Variants in RASSF3 observed in about 807,000 individuals in gnomAD.
RASSF3 encodes the protein Ras association domain family member 3, also known as ras association domain-containing protein 3.
Under a neutral mutation model 19.9 loss-of-function variants are expected in RASSF3, and 19 were observed. The observed-to-expected ratio is 0.96, with a 90% CI of 0.67 to 1.40. The LOEUF (loss-of-function observed/expected upper bound fraction) is 1.40, where lower values mean the gene tolerates loss of function less well. Among genes scored for constraint, RASSF3 ranks in the 40% most tolerant of loss-of-function variants. The probability of loss-of-function intolerance (pLI) is 0.00; values close to 1 mark genes in which losing one functional copy is unlikely to be tolerated. For synonymous variants in RASSF3, 110 were observed against 104.2 expected (o/e 1.06, Z -0.34); for missense variants, 306 against 289.8 (o/e 1.06, Z -0.41).
chr12:64,681,648 C>T (rs1873131485), intron 1 of RASSF3, among the ~76,000 whole-genome samples: 1 of 152,208 alleles, frequency 6.6e-6, no homozygotes, highest in Non-Finnish European at 1.5e-5. Flanking sequence ...TTTTCTTCTT[C>T]AGCTATGACT....
intron 1 of RASSF3, among the ~76,000 whole-genome samples, chr12:64,512,148 C>A (rs1031239177): frequency 3.3e-5 from 5 of 152,136 alleles, no homozygotes; most frequent in African/African-American, 1.2e-4. Flanking sequence ...GAGAGAGAAC[C>A]ATCATGGAAG....
chr12:64,689,788 A>ATTATTTTTTTTT (rs1285995154), intron 3 of RASSF3, among the ~76,000 whole-genome samples: 1 of 42,932 alleles, frequency 2.3e-5, no homozygotes, highest in African/African-American at 7.7e-5. Context: ...TAATTCGCTA[A>ATTATTTTTTTTT]TTCTTTTTTT....
intron 1 of RASSF3, among the ~76,000 whole-genome samples, chr12:64,655,603 A>G (rs1265940055): frequency 1.3e-5 from 2 of 152,114 alleles, no homozygotes; most frequent in African/African-American, 4.8e-5. Context: ...GTGAACCACC[A>G]TGCCTGGTCT....
chr12:64,537,588 C>T (rs565643222), intron 1 of RASSF3, among the ~76,000 whole-genome samples: 23 of 152,182 alleles, frequency 1.5e-4, no homozygotes, highest in Non-Finnish European at 2.2e-4. Context: ...AAGACTCACA[C>T]GTCCAACTTC....
At chr12:64,572,000 C>T (rs1242802237) in intron 2 of RASSF3, among the ~76,000 whole-genome samples, 4 of 152,172 alleles carry the variant, frequency 2.6e-5, no homozygotes, top group East Asian at 1.9e-4. Context: ...TAGGTTATGA[C>T]GTTCATAAGC....
chr12:64,586,386 A>T (rs1156697819), intron 2 of RASSF3, among the ~76,000 whole-genome samples: 1 of 146,432 alleles, frequency 6.8e-6, no homozygotes, highest in African/African-American at 2.5e-5. Context: ...CCTACTCAGG[A>T]GGTTGACACA....
intron 1 of RASSF3, among the ~76,000 whole-genome samples, chr12:64,663,840 CTTT>C (rs34450092): frequency 2.7e-5 from 2 of 73,070 alleles, no homozygotes; most frequent in Admixed American, 1.6e-4. Flanking sequence ...TTAGCCTTGC[CTTT>C]TTTTTTTTTT....
chr12:64,667,898 T>C (rs1872577435), intron 1 of RASSF3, among the ~76,000 whole-genome samples: 1 of 152,184 alleles, frequency 6.6e-6, no homozygotes, highest in South Asian at 2.1e-4. Flanking sequence ...GAGCCTGTTT[T>C]CCTTCTGAAT....
At chr12:64,587,027 A>C (rs937602726) in intron 2 of RASSF3, among the ~76,000 whole-genome samples, 1 of 150,566 alleles carries the variant, frequency 6.6e-6, no homozygotes, top group Non-Finnish European at 1.5e-5. Context: ...TCTATTTTCC[A>C]TATTCCTCGT....
intron 1 of RASSF3, among the ~76,000 whole-genome samples, chr12:64,613,529 G>A (rs1336777953): frequency 1.3e-5 from 2 of 152,108 alleles, no homozygotes; most frequent in African/African-American, 4.8e-5. Context: ...AGGGAACATA[G>A]TGCAACTTCT....
At chr12:64,595,064 C>CTTTTTTTTTTTTTTTTTTTTT (rs1171762487) in intron 2 of RASSF3, among the ~76,000 whole-genome samples, 2 of 90,950 alleles carry the variant, frequency 2.2e-5, no homozygotes, top group African/African-American at 4.3e-5. Context: ...CATATGAAAT[C>CTTTTTTTTTTTTTTTTTTTTT]TTTTTTTTTT....
At chr12:64,665,907 A>G (rs1318424977) in intron 1 of RASSF3, among the ~76,000 whole-genome samples, 1 of 152,196 alleles carries the variant, frequency 6.6e-6, no homozygotes, top group Non-Finnish European at 1.5e-5. Flanking sequence ...AGCAGTAGTA[A>G]TAGTAATGAT....
rs528704023 is a variant in RASSF3, at chr12:64,666,579, T to C, written c.112-18208T>C. Among the ~76,000 whole-genome samples, 3 of 152,346 alleles carry C rather than the reference T, an allele frequency of 2.0e-5. No homozygotes were observed. In the South Asian group the frequency reaches 6.2e-4, roughly 32 times the overall value. On this transcript the variant is annotated intron_variant, in intron 1 of 4. Transcript: ENST00000542104. ...TTGTTATCTTTCTGGATAACACGTT[T>C]GATGGGTGTTAAAAGGTAAAGCCAG...
At chr12:64,526,790 C>G (rs59251130) in intron 1 of RASSF3, among the ~76,000 whole-genome samples, 15,821 of 152,234 alleles carry the variant, frequency 0.1, 1,194 homozygotes, top group East Asian at 0.44. Context: ...AAGTGATCCT[C>G]TTGCCTTAGC....
intron 2 of RASSF3, among the ~76,000 whole-genome samples, chr12:64,575,308 C>T (rs1489979056): frequency 6.6e-6 from 1 of 152,126 alleles, no homozygotes; most frequent in Non-Finnish European, 1.5e-5. Context: ...AATCCCAGCG[C>T]TTTGGGAGGC....
intron 1 of RASSF3, among the ~76,000 whole-genome samples, chr12:64,621,596 TC>T (rs1360676092): frequency 6.6e-6 from 1 of 152,034 alleles, no homozygotes; most frequent in African/African-American, 2.4e-5. Flanking sequence ...TCCTGCTTCA[TC>T]CTCCCAAGTA....
intron 1 of RASSF3, among the ~76,000 whole-genome samples, chr12:64,512,932 C>G (rs1868337251): frequency 6.6e-6 from 1 of 152,110 alleles, no homozygotes; most frequent in African/African-American, 2.4e-5. Flanking sequence ...TTAGTCAAAA[C>G]TAAAGACATT....
At chr12:64,507,374 G>A (rs7956852) in intron 1 of RASSF3, 1 of 397,344 alleles carries the variant, frequency 2.5e-6, no homozygotes, top group African/African-American at 2.1e-5. Context: ...CCGTTTTTTT[G>A]TGTGTGTGTG....
At chr12:64,554,016 G>A (rs1003510077) in intron 2 of RASSF3, among the ~76,000 whole-genome samples, 3 of 151,142 alleles carry the variant, frequency 2.0e-5, no homozygotes, top group Admixed American at 6.6e-5. Flanking sequence ...AAAGTTGTCT[G>A]GGGCATGGTT....
Sources: allele counts gnomAD v4.1 joint callset (sites outside exome capture counted in the v4.1 genomes callset), GRCh38; gene constraint gnomAD v4.1.1; transcripts MANE v1.5; gene names NCBI Gene and HGNC (gene_info 2026-07-23, HGNC 2026-07-21).